The following MYPN variants were observed in gnomAD, a reference collection of about 807,000 sequenced individuals.
The protein encoded by MYPN is myopalladin.
In MYPN, 63 loss-of-function variants were observed where a neutral mutation model predicts 129.4. The ratio of observed to expected loss-of-function variants is 0.49; its 90% CI spans 0.40 to 0.60. The LOEUF (loss-of-function observed/expected upper bound fraction) is 0.60. MYPN is among the 20% of genes least tolerant of loss of function. MYPN has a pLI of 0.00. For synonymous variants in MYPN, 629 were observed against 600.9 expected, an observed-to-expected ratio of 1.05 and a Z score of -0.68; for missense variants, 1,596 against 1,635.4, an observed-to-expected ratio of 0.98 and a Z score of 0.42.
intron 10 of MYPN, among the ~76,000 whole-genome samples, chr10:68,168,288 G>A (rs890019447): frequency 2.6e-5 from 4 of 152,158 alleles, no homozygotes; most frequent in African/African-American, 9.7e-5. Context: ...AAACTGGGTG[G>A]GAGAAGTTCT....
chr10:68,187,749 C>A (rs945047292), intron 12 of MYPN, among the ~76,000 whole-genome samples: 2 of 152,018 alleles, frequency 1.3e-5, no homozygotes, highest in Admixed American at 1.3e-4. Flanking sequence ...GATGAGCTCA[C>A]CTAGAGCAGA....
At chr10:68,107,040 A>G (rs1326365771), upstream of MYPN, among the ~76,000 whole-genome samples, 1 of 152,240 alleles carries the variant, frequency 6.6e-6, no homozygotes, top group Non-Finnish European at 1.5e-5. Flanking sequence ...AACTCTGATG[A>G]AATCTTGAAC....
intron 13 of MYPN, among the ~76,000 whole-genome samples, chr10:68,193,185 G>A (rs2043543897): frequency 6.6e-6 from 1 of 151,308 alleles, no homozygotes; most frequent in African/African-American, 2.4e-5. Flanking sequence ...TAGTAAGAAA[G>A]TCTTATCAGA....
chr10:68,147,438 T>A (rs1233785473), intron 4 of MYPN, among the ~76,000 whole-genome samples: 1 of 152,196 alleles, frequency 6.6e-6, no homozygotes, highest in Non-Finnish European at 1.5e-5. Flanking sequence ...ATTATAGGTG[T>A]GAGCCACCGT....
chr10:68,138,285 A>G (rs1459505627), intron 2 of MYPN, among the ~76,000 whole-genome samples: 2 of 151,872 alleles, frequency 1.3e-5, no homozygotes, highest in African/African-American at 4.8e-5. Flanking sequence ...TATTTTTAGT[A>G]GAGGTGGGTT....
intron 2 of MYPN, among the ~76,000 whole-genome samples, chr10:68,137,801 G>A (rs1160910406): frequency 6.6e-6 from 1 of 151,600 alleles, no homozygotes; most frequent in East Asian, 1.9e-4. Context: ...CTTCAGTTTT[G>A]AGAAAATGTC....
At chr10:68,206,457 T>A (rs993060160) in intron 18 of MYPN, among the ~76,000 whole-genome samples, 1 of 152,168 alleles carries the variant, frequency 6.6e-6, no homozygotes, top group African/African-American at 2.4e-5. Context: ...AAGTTATCGA[T>A]GAAATGTCCA....
Position 68,121,600 on chromosome 10 carries a change from C to A in MYPN, c.162C>A (p.Gly54=), listed in dbSNP as rs568864902. The change falls in exon 2 of 20, where the codon GGC becomes GGA. Residue 54 remains glycine (G), a synonymous_variant. Transcript: ENST00000358913. The part of the protein sequence containing the change: ...FGSPSGAAEG[G]GGQDDLPDLS... ...GTCCTTCTGGGGCCGCTGAAGGAGG[C>A]GGAGGCCAAGATGACCTTCCAGATC... 2 of 1,614,198 alleles carry A rather than the reference C, an allele frequency of 1.2e-6. No homozygotes were observed. The highest frequency in any genetic ancestry group is 2.2e-5 in the South Asian group (2 of 91,076).
chr10:68,128,222 C>T (rs772225813), intron 2 of MYPN, among the ~76,000 whole-genome samples: 4 of 152,182 alleles, frequency 2.6e-5, no homozygotes, highest in Non-Finnish European at 2.9e-5. Flanking sequence ...TGGCCGTGAT[C>T]CTTTCCTGTA....
At chr10:68,107,307 G>A (rs1003130347), upstream of MYPN, among the ~76,000 whole-genome samples, 4 of 149,844 alleles carry the variant, frequency 2.7e-5, no homozygotes, top group African/African-American at 9.8e-5. Flanking sequence ...AGAGAAAGAT[G>A]ACTGCCATTC....
At chr10:68,096,171 C>G (rs1417861845) in intron 1 of MYPN, among the ~76,000 whole-genome samples, 1 of 152,176 alleles carries the variant, frequency 6.6e-6, no homozygotes, top group Non-Finnish European at 1.5e-5. Flanking sequence ...TCACCAAAAC[C>G]TGAAGATTTA....
chr10:68,202,617 T>G (rs978429014), intron 18 of MYPN, among the ~76,000 whole-genome samples: 4 of 152,192 alleles, frequency 2.6e-5, no homozygotes, highest in African/African-American at 9.7e-5. Flanking sequence ...TAAAGTAAGC[T>G]TAAGGATCCA....
At chr10:68,156,314 C>A (rs2042872528) in intron 6 of MYPN, among the ~76,000 whole-genome samples, 1 of 152,158 alleles carries the variant, frequency 6.6e-6, no homozygotes. Context: ...TTTGAGCACA[C>A]AATTTGCTCA....
rs2042920301 is a variant in MYPN, at chr10:68,158,549, G to T, written c.1381G>T (p.Ala461Ser). The T allele has an allele frequency of 6.2e-7, 1 of 1,613,418 alleles. No individual in the cohort carries two copies. Among genetic ancestry groups the T allele is most frequent in the Non-Finnish European group, 8.5e-7 (1 of 1,179,474 alleles). ...LVVFECRVKG[A>S]PSPKVEWYRE... ...TGTCTTTGAATGCAGAGTAAAAGGA[G>T]CTCCATCTCCTAAGGTTGAGTGGTA... The change falls in exon 7 of 20, where the codon GCT becomes TCT. Residue 461 changes from alanine to serine, a missense_variant. Transcript: ENST00000358913.
At chr10:68,125,940 A>G (rs995697430) in intron 2 of MYPN, among the ~76,000 whole-genome samples, 1 of 152,166 alleles carries the variant, frequency 6.6e-6, no homozygotes. Flanking sequence ...CAAACAAATC[A>G]ATCACTGCAG....
At chr10:68,194,582 C>T (rs1030032053) in intron 14 of MYPN, 70 bp downstream of exon 14, 2 of 1,540,414 alleles carry the variant, frequency 1.3e-6, no homozygotes, top group Non-Finnish European at 8.9e-7. Flanking sequence ...GTGAATGAGA[C>T]CTTGAGAAGT....
At position 68,156,771 on chromosome 10, in the gene MYPN, G is replaced by GA. The variant is rs772991536; in HGVS notation, c.1318-1709dup. Among the ~76,000 whole-genome samples, 17 of 152,252 alleles carry GA rather than the reference G, an allele frequency of 1.1e-4. 1 individual carries two copies. The highest frequency in any genetic ancestry group is 1.0e-3 in the South Asian group (5 of 4,822). On this transcript the variant is annotated intron_variant, in intron 6 of 19. Coordinates refer to ENST00000358913, the MANE Select transcript of MYPN (RefSeq NM_032578.4). ...ATTCGTAACAGCGAATGACAAAAGAGAAAAAACGATTGGCTTTCCCCTTCT... is the reference window on the plus strand; with the variant it reads ...ATTCGTAACAGCGAATGACAAAAGAGAAAAAAACGATTGGCTTTCCCCTTCT...
intron 1 of MYPN, among the ~76,000 whole-genome samples, chr10:68,091,449 T>G (rs1187424376): frequency 7.2e-6 from 1 of 139,246 alleles, no homozygotes. Flanking sequence ...GGCTGGAGTG[T>G]GTTGGTGCAA....
At chr10:68,151,527 C>A (rs1490132379) in intron 6 of MYPN, among the ~76,000 whole-genome samples, 1 of 152,086 alleles carries the variant, frequency 6.6e-6, no homozygotes, top group Non-Finnish European at 1.5e-5. Context: ...GTGTTTGTAA[C>A]ACAGCTAAGA....
Sources: gnomAD v4.1 joint callset for allele counts (sites outside exome capture counted in the v4.1 genomes callset) on GRCh38, gnomAD v4.1.1 for gene constraint, MANE v1.5 for transcripts, NCBI Gene and HGNC (gene_info 2026-07-23, HGNC 2026-07-21) for gene names.